MKKS: variants seen among roughly 807,000 people sequenced by gnomAD.
The protein encoded by MKKS is molecular chaperone MKKS.
In MKKS, 29 loss-of-function variants were observed where a neutral mutation model predicts 33.2. The observed-to-expected ratio is 0.87, with a 90% CI of 0.65 to 1.19. The LOEUF is 1.19. Ranked by LOEUF, MKKS falls within the 50% of genes most tolerant of loss-of-function variation. The pLI is 0.00. For synonymous variants in MKKS, 260 were observed against 244.0 expected (o/e 1.07, Z -0.61); for missense variants, 661 against 662.3 (o/e 1.00, Z 0.02).
rs997360254 is a variant in MKKS, at chr20:10,413,655, C to A, written c.-141G>T. The stretch of plus-strand genomic sequence containing the variant: ...ATATGCAGCATTGTGGCTATAAAAT[C>A]AAAAAGTTCAATGTTTATGAAGCTA... On this transcript the variant is annotated 5_prime_UTR_variant, in exon 3 of 6. Coordinates refer to ENST00000347364, the MANE Select transcript of MKKS (RefSeq NM_170784.3). 5.7e-6 allele frequency: 5 copies of A among 881,410 alleles called. No individual in the cohort carries two copies. The highest frequency in any genetic ancestry group is 3.5e-4 in the Middle Eastern group (1 of 2,864). The allele number at this position is 881,410 out of a possible 1,614,324, so 54.6% of individuals were successfully genotyped here.
intron 2 of MKKS, among the ~76,000 whole-genome samples, chr20:10,419,629 C>T (rs1267535490): frequency 1.3e-5 from 2 of 152,162 alleles, no homozygotes; most frequent in Non-Finnish European, 2.9e-5. Flanking sequence ...AGGCACAATA[C>T]TCCTGTGCTT....
chr20:10,418,370 T>C (rs1051133873), intron 2 of MKKS, among the ~76,000 whole-genome samples: 3 of 152,200 alleles, frequency 2.0e-5, no homozygotes, highest in Admixed American at 6.5e-5. Flanking sequence ...GGGCTCAATA[T>C]ACTATCCTCT....
At chr20:10,433,566 G>A (rs1403713049) in intron 1 of MKKS, among the ~76,000 whole-genome samples, 1 of 152,182 alleles carries the variant, frequency 6.6e-6, no homozygotes, top group Non-Finnish European at 1.5e-5. Context: ...TGGTCTTATC[G>A]GGGAGGAAGA....
chr20:10,412,579 G>A lies in MKKS; in HGVS notation c.936C>T (p.Ala312=). The A allele has an allele frequency of 1.9e-6, 3 of 1,613,980 alleles. No homozygotes were observed. The highest frequency in any genetic ancestry group is 2.5e-6 in the Non-Finnish European group (3 of 1,179,924). Residue 312 remains alanine, a synonymous_variant, in exon 3 of 6, where the codon GCC becomes GCT. Transcript: ENST00000347364. ...KQFLNMHRII[A]IDRIGVTLME... is the part of the protein sequence containing the mutation. Reference sequence around the variant, plus strand: ...TCAGAGTCACTCCAATTCTGTCTATGGCAATAATACGATGCATATTGAGAA... The same window carrying A: ...TCAGAGTCACTCCAATTCTGTCTATAGCAATAATACGATGCATATTGAGAA...
At chr20:10,425,786 CAA>C (rs1219656005) in intron 1 of MKKS, among the ~76,000 whole-genome samples, 3 of 150,142 alleles carry the variant, frequency 2.0e-5, no homozygotes. Context: ...TGGAGCAAAG[CAA>C]CAAGAGAAAT....
intron 1 of MKKS, among the ~76,000 whole-genome samples, chr20:10,423,688 A>G (rs567556889): frequency 6.6e-6 from 1 of 152,222 alleles, no homozygotes; most frequent in Non-Finnish European, 1.5e-5. Context: ...TCTCCCAGTT[A>G]AAGATAAAAG....
At chr20:10,408,526 C>T in intron 4 of MKKS, 102 bp downstream of exon 4, 1 of 1,203,932 alleles carries the variant, frequency 8.3e-7, no homozygotes, top group Non-Finnish European at 1.2e-6. Context: ...TTTTTGCTTT[C>T]TATACTACCT....
intron 3 of MKKS, among the ~76,000 whole-genome samples, chr20:10,410,609 T>C (rs186138589): frequency 5.5e-4 from 83 of 152,106 alleles, no homozygotes; most frequent in African/African-American, 1.8e-3. Flanking sequence ...GCCTGGGCGA[T>C]AGAGTGAGAC....
chr20:10,418,415 T>C (rs2064956336), intron 2 of MKKS, among the ~76,000 whole-genome samples: 1 of 152,188 alleles, frequency 6.6e-6, no homozygotes, highest in Non-Finnish European at 1.5e-5. Context: ...TTTTCCATAA[T>C]GAAAATAAGA....
chr20:10,412,668 G>C lies in MKKS; in HGVS notation c.847C>G (p.Leu283Val). ...ACAAGATCTACGTGGTCACTGATTA[G>C]CTGCCTTCCTAGGTTAAGCAGCTGG... is the stretch of plus-strand genomic sequence containing the variant. ...LDQLLNLGRQ[L>V]ISDHVDLVLC... Residue 283 changes from leucine to valine, a missense_variant, in exon 3 of 6, where the codon CTA becomes GTA. Coordinates refer to ENST00000347364, the MANE Select transcript of MKKS (RefSeq NM_170784.3). 2 of 1,614,140 alleles carry C rather than the reference G, an allele frequency of 1.2e-6. No homozygotes were observed. The highest frequency in any genetic ancestry group is 1.3e-5 in the African/African-American group (1 of 75,054).
At chr20:10,416,152 G>GT (rs1333467036) in intron 2 of MKKS, among the ~76,000 whole-genome samples, 3 of 146,810 alleles carry the variant, frequency 2.0e-5, no homozygotes, top group African/African-American at 7.7e-5. Context: ...TGGCAGATGG[G>GT]TTTTTGTTGT....
At chr20:10,419,505 T>C (rs1333022664) in intron 2 of MKKS, among the ~76,000 whole-genome samples, 5 of 152,308 alleles carry the variant, frequency 3.3e-5, no homozygotes, top group African/African-American at 1.2e-4. Context: ...CTATGAGGGA[T>C]ATGTTCCAAG....
At chr20:10,406,157 G>A (rs2064842793) in intron 5 of MKKS, among the ~76,000 whole-genome samples, 1 of 152,110 alleles carries the variant, frequency 6.6e-6, no homozygotes, top group Non-Finnish European at 1.5e-5. Context: ...AAATCATGAT[G>A]TAAATTTTCA....
chr20:10,413,496 T>C lies in MKKS; in HGVS notation c.19A>G (p.Lys7Glu). 6.2e-7 allele frequency: 1 copy of C among 1,614,240 alleles called. No homozygotes were observed. Among genetic ancestry groups the C allele is most frequent in the Non-Finnish European group, 8.5e-7 (1 of 1,180,038 alleles). ...TCACTCTTACACAATGATGGCTTCT[T>C]AGCTTCCAAACGAGACATCTTACTT... is the stretch of plus-strand genomic sequence containing the variant. MSRLEA[K>E]KPSLCKSEPL... The change falls in exon 3 of 6, where the codon AAG (lysine) becomes GAG (glutamate). Residue 7 changes from lysine (K) to glutamate (E), a missense_variant. Transcript: ENST00000347364.
At chr20:10,415,508 A>C (rs531319693) in intron 2 of MKKS, among the ~76,000 whole-genome samples, 1 of 152,314 alleles carries the variant, frequency 6.6e-6, no homozygotes, top group Non-Finnish European at 1.5e-5. Context: ...CTGTGGTGAT[A>C]AAGCTATTGT....
At chr20:10,427,033 C>CACACACAG (rs1461178020) in intron 1 of MKKS, among the ~76,000 whole-genome samples, 763 of 41,900 alleles carry the variant, frequency 0.018, 16 homozygotes, top group East Asian at 0.098. Context: ...AACACTGACA[C>CACACACAG]ACACACACAC....
At chr20:10,426,148 T>C (rs1041022611) in intron 1 of MKKS, among the ~76,000 whole-genome samples, 2 of 152,262 alleles carry the variant, frequency 1.3e-5, no homozygotes, top group African/African-American at 4.8e-5. Flanking sequence ...ATTTTATAAA[T>C]GAAGAAACAT....
intron 2 of MKKS, among the ~76,000 whole-genome samples, chr20:10,418,477 C>T (rs560125872): frequency 7.6e-4 from 115 of 152,174 alleles, no homozygotes; most frequent in African/African-American, 2.7e-3. Context: ...TTCAACTATT[C>T]GGAATTTGTG....
rs201785599 is a variant in MKKS, at chr20:10,412,758, A to G, written c.757T>C (p.Ser253Pro). Residue 253 changes from serine to proline, a missense_variant, in exon 3 of 6, where the codon TCT (serine) becomes CCT (proline). Ser to Pro is a moderately conservative substitution (Grantham distance 74). Coordinates refer to ENST00000347364, the MANE Select transcript of MKKS (RefSeq NM_170784.3). The part of the protein sequence containing the change: ...LFCTTLSGDT[S>P]DTGEGTVVVS... ...ACCACAGTTCCTTCTCCAGTGTCAG[A>G]AGTGTCTCCGGATAAAGTTGTACAA... 232 of 1,614,158 alleles carry G rather than the reference A, an allele frequency of 1.4e-4. 1 individual carries two copies. The East Asian group carries it at 4.9e-3, about 34-fold the overall frequency.
Sources: gnomAD v4.1 joint callset for allele counts (sites outside exome capture counted in the v4.1 genomes callset) on GRCh38, gnomAD v4.1.1 for gene constraint, MANE v1.5 for transcripts, NCBI Gene and HGNC (gene_info 2026-07-23, HGNC 2026-07-21) for gene names.